CHD2: variants seen among roughly 807,000 people sequenced by gnomAD.
CHD2 encodes ATP-dependent chromatin remodeler CHD2.
Under a neutral mutation model 243.9 loss-of-function variants are expected in CHD2, and 28 were observed. The observed-to-expected ratio is 0.11, with a 90% CI of 0.09 to 0.16. The LOEUF is 0.16. Ranked by LOEUF, CHD2 falls within the 10% of genes least tolerant of loss-of-function variation. CHD2 has a pLI of 1.00. For missense variants in CHD2, 1,386 were observed against 2,209.8 expected (o/e 0.63, Z 7.47); for synonymous variants, 775 against 779.0 (o/e 0.99, Z 0.09).
Position 92,971,899 on chromosome 15 carries a change from A to G in CHD2, c.2324A>G (p.Glu775Gly). ...CYLIKPPEEN[E>G]RENGQEILLS... ...CTGATTAAACCCCCTGAAGAAAATG[A>G]AAGGGAAAATGGACAGGAGATTCTT... The change falls in exon 18 of 39, where the codon GAA becomes GGA. Residue 775 changes from glutamate (E) to glycine (G), a missense_variant. Coordinates refer to ENST00000394196, the MANE Select transcript of CHD2 (RefSeq NM_001271.4). 6.2e-7 allele frequency: 1 copy of G among 1,612,602 alleles called. No individual in the cohort carries two copies. The highest frequency in any genetic ancestry group is 8.5e-7 in the Non-Finnish European group (1 of 1,179,568).
At chr15:93,006,588 C>T (rs1027313314) in intron 34 of CHD2, among the ~76,000 whole-genome samples, 3 of 152,172 alleles carry the variant, frequency 2.0e-5, no homozygotes, top group Non-Finnish European at 4.4e-5. Context: ...TTTTCCACAA[C>T]ACTCCTGTGA....
chr15:92,982,642 G>C (rs1442019722), intron 24 of CHD2, among the ~76,000 whole-genome samples: 4 of 152,214 alleles, frequency 2.6e-5, no homozygotes, highest in Non-Finnish European at 5.9e-5. Context: ...TGATTACAAT[G>C]ATGGCTAAGT....
At chr15:93,016,348 G>A (rs763302445) in intron 37 of CHD2, among the ~76,000 whole-genome samples, 3 of 152,082 alleles carry the variant, frequency 2.0e-5, no homozygotes, top group Admixed American at 6.5e-5. Context: ...TACCAGGGTC[G>A]GAGGGCAGGG....
Position 93,024,542 on chromosome 15 carries a change from A to C in CHD2, c.5324A>C (p.Gln1775Pro). ...FHTDKLGEYKQPLPPLHPAVS... is the reference protein window; with the variant it reads ...FHTDKLGEYKPPLPPLHPAVS... ...ACAGATAAACTGGGGGAATATAAAC[A>C]GCCTCTACCCCCATTGCACCCTGCA... Residue 1775 changes from glutamine (Q) to proline (P), a missense_variant, in exon 39 of 39, where the codon CAG (glutamine) becomes CCG (proline). Transcript: ENST00000394196. 2 of 1,614,180 alleles carry C rather than the reference A, an allele frequency of 1.2e-6. No homozygotes were observed. Among genetic ancestry groups the C allele is most frequent in the Non-Finnish European group, 1.7e-6 (2 of 1,180,030 alleles).
intron 3 of CHD2, among the ~76,000 whole-genome samples, chr15:92,925,910 A>ATGTTGTTGT (rs537198903): frequency 2.0e-5 from 3 of 151,880 alleles, no homozygotes; most frequent in Non-Finnish European, 2.9e-5. Context: ...CATCATTTTT[A>ATGTTGTTGT]TGTTGTTGTT....
intron 21 of CHD2, 39 bp from the exon 22 acceptor site, chr15:92,979,096 G>T: frequency 1.9e-6 from 3 of 1,602,564 alleles, no homozygotes; most frequent in Non-Finnish European, 2.6e-6. Context: ...GGGTTGGGGG[G>T]TGGTTCAGGC....
At chr15:92,916,060 G>C (rs1247967547) in intron 2 of CHD2, among the ~76,000 whole-genome samples, 1 of 152,182 alleles carries the variant, frequency 6.6e-6, no homozygotes, top group South Asian at 2.1e-4. Context: ...CTAATCAAGA[G>C]ACTTAAAAGA....
intron 13 of CHD2, among the ~76,000 whole-genome samples, chr15:92,950,100 A>G (rs1379704016): frequency 6.6e-6 from 1 of 152,244 alleles, no homozygotes; most frequent in East Asian, 1.9e-4. Flanking sequence ...AAGCTGGGAA[A>G]TGCCTGGGCA....
At chr15:92,949,349 G>A in intron 13 of CHD2, 2 of 671,558 alleles carry the variant, frequency 3.0e-6, no homozygotes, top group East Asian at 5.0e-5. Context: ...ATCATCATAT[G>A]TTACTCATGA....
intron 19 of CHD2, among the ~76,000 whole-genome samples, chr15:92,974,243 A>G (rs2053879123): frequency 6.6e-6 from 1 of 152,232 alleles, no homozygotes; most frequent in Non-Finnish European, 1.5e-5. Context: ...CATATGTTCT[A>G]ATAAAGGAAT....
intron 2 of CHD2, among the ~76,000 whole-genome samples, chr15:92,913,498 C>T (rs1159998877): frequency 6.6e-6 from 1 of 152,164 alleles, no homozygotes; most frequent in Non-Finnish European, 1.5e-5. Context: ...TGCTCCCCAA[C>T]ATCCAAGAGT....
At chr15:92,933,349 A>G (rs1273869663) in intron 5 of CHD2, among the ~76,000 whole-genome samples, 2 of 152,190 alleles carry the variant, frequency 1.3e-5, no homozygotes, top group African/African-American at 2.4e-5. Context: ...AAATTTGGTA[A>G]TGCTGGCTTA....
chr15:92,939,622 G>C lies in CHD2; in HGVS notation c.596G>C (p.Arg199Pro), dbSNP rs367550855. ...PRVKKQPKTQ[R>P]GKRKKQDSSD... ...GTTAAAAAGCAGCCGAAGACTCAGC[G>C]TGGAAAGAGAAAAAAGCAAGATTCT... The change falls in exon 7 of 39, where the codon CGT becomes CCT. Residue 199 changes from arginine (R) to proline (P), a missense_variant. By Grantham distance (103) the Arg-to-Pro change is moderately radical. Around this residue, in one of 19 missense-constraint regions of CHD2, gnomAD observed 90 missense variants for 78.0 expected, o/e 1.15. Transcript: ENST00000394196. 1.9e-6 allele frequency: 3 copies of C among 1,614,170 alleles called. No individual in the cohort carries two copies. Among genetic ancestry groups the C allele is most frequent in the Admixed American group, 1.7e-5 (1 of 60,020 alleles).
At position 93,013,928 on chromosome 15, in the gene CHD2, CAAAAAAAAAAAA is replaced by C. The variant is rs35774813; in HGVS notation, c.4693-751_4693-740del. On this transcript the variant is annotated intron_variant, in intron 36 of 38. Transcript: ENST00000394196. ...CCTGCGACAGAGTGAGACTCTGTCT[CAAAAAAAAAAAA>C]AAAAAAAAAAAAAAAATACAGAAAA... Among the ~76,000 whole-genome samples the C allele has an allele frequency of 2.2e-3, 142 of 64,174 alleles. 1 individual carries two copies. Among genetic ancestry groups the C allele is most frequent in the South Asian group, 0.021 (32 of 1,508 alleles). The allele number at this position is 64,174 out of a possible 152,430, so 42.1% of individuals were successfully genotyped here.
intron 16 of CHD2, among the ~76,000 whole-genome samples, chr15:92,962,172 GC>G (rs1425320034): frequency 6.6e-6 from 1 of 151,788 alleles, no homozygotes; most frequent in Non-Finnish European, 1.5e-5. Context: ...GAGCCCCCGT[GC>G]CCGGACCCTC....
intron 2 of CHD2, among the ~76,000 whole-genome samples, chr15:92,919,716 T>C (rs1226053118): frequency 1.3e-5 from 2 of 152,220 alleles, no homozygotes; most frequent in Admixed American, 1.3e-4. Context: ...AAAACACTCA[T>C]TCAAATCTTT....
chr15:93,014,932 T>C, intron 37 of CHD2, 23 bp downstream of exon 37: 1 of 1,592,268 alleles, frequency 6.3e-7, no homozygotes. Context: ...GTGGAGTTTT[T>C]AAAAGAGGTG....
At position 93,000,541 on chromosome 15, in the gene CHD2, AAAG is replaced by A. The variant is rs1250677147; in HGVS notation, c.4042_4044del (p.Lys1348del). 6.2e-7 allele frequency: 1 copy of A among 1,613,188 alleles called. No individual in the cohort carries two copies. The highest frequency in any genetic ancestry group is 2.2e-5 in the East Asian group (1 of 44,870). ...AATTAAAGAAGCGGAAGCCTCGGGTAAAGAAGGAAAACAAAGTGCCCAGGCTGA... is the reference window on the plus strand; with the variant it reads ...AATTAAAGAAGCGGAAGCCTCGGGTAAAGGAAAACAAAGTGCCCAGGCTGA... On this transcript the variant is annotated inframe_deletion, in exon 32 of 39. Coordinates refer to ENST00000394196, the MANE Select transcript of CHD2 (RefSeq NM_001271.4).
intron 32 of CHD2, among the ~76,000 whole-genome samples, chr15:93,000,865 GTTGT>G (rs368495724): frequency 2.7e-4 from 41 of 152,202 alleles, no homozygotes; most frequent in Middle Eastern, 3.4e-3. Flanking sequence ...TTTTGTTGTT[GTTGT>G]TTGTTTGTTT....
Sources: allele counts gnomAD v4.1 joint callset (sites outside exome capture counted in the v4.1 genomes callset), GRCh38; gene constraint gnomAD v4.1.1; regional missense constraint gnomAD v4.1.1; transcripts MANE v1.5; gene names NCBI Gene and HGNC (gene_info 2026-07-23, HGNC 2026-07-21).